DAPK2: variants seen among roughly 807,000 people sequenced by gnomAD.
The protein encoded by DAPK2 is death-associated protein kinase 2.
A neutral mutation model predicts 44.1 loss-of-function variants in DAPK2; 35 were observed. The ratio of observed to expected loss-of-function variants is 0.79; its 90% CI spans 0.61 to 1.05. DAPK2 has a LOEUF of 1.05. Ranked by LOEUF, DAPK2 falls within the 50% of genes least tolerant of loss-of-function variation. DAPK2 has a pLI of 0.00. For missense variants in DAPK2, 453 were observed against 483.2 expected (o/e 0.94, Z 0.59); for synonymous variants, 174 against 182.6 (o/e 0.95, Z 0.38).
chr15:64,002,309 T>A (rs2079104463), intron 1 of DAPK2, among the ~76,000 whole-genome samples: 1 of 152,374 alleles, frequency 6.6e-6, no homozygotes, highest in Non-Finnish European at 1.5e-5. Context: ...TTCCTTTTTT[T>A]ATGTAAGTCT....
intron 1 of DAPK2, among the ~76,000 whole-genome samples, chr15:64,033,890 G>A (rs2080100707): frequency 6.6e-6 from 1 of 151,558 alleles, no homozygotes; most frequent in Non-Finnish European, 1.5e-5. Context: ...ACTCCAGCCT[G>A]GGCGACAGAG....
chr15:63,911,771 G>C, intron 10 of DAPK2, 137 bp downstream of exon 11: 2 of 845,488 alleles, frequency 2.4e-6, no homozygotes, highest in Non-Finnish European at 1.9e-6. Context: ...CTTCAGGGAA[G>C]AGGAGGACTG....
intron 2 of DAPK2, among the ~76,000 whole-genome samples, chr15:63,976,275 G>A (rs1176790000): frequency 2.0e-5 from 3 of 152,228 alleles, no homozygotes; most frequent in Non-Finnish European, 4.4e-5. Flanking sequence ...TGTGGCTAGT[G>A]TAATAGAGGA....
chr15:63,998,841 A>G (rs74021219), intron 1 of DAPK2, among the ~76,000 whole-genome samples: 6,185 of 152,316 alleles, frequency 0.041, 428 homozygotes, highest in African/African-American at 0.14. Context: ...ATGAGGATTA[A>G]ATGAATAATG....
chr15:63,925,834 G>A, intron 7 of DAPK2, 107 bp downstream of exon 8: 1 of 1,422,128 alleles, frequency 7.0e-7, no homozygotes, highest in Non-Finnish European at 9.8e-7. Context: ...GACCACAACA[G>A]TGCAGATGAC....
chr15:63,978,351 C>A (rs1417917549), intron 2 of DAPK2, among the ~76,000 whole-genome samples: 1 of 152,216 alleles, frequency 6.6e-6, no homozygotes, highest in African/African-American at 2.4e-5. Context: ...GCAATTCCTA[C>A]TTTAAATAAA....
intron 1 of DAPK2, among the ~76,000 whole-genome samples, chr15:64,022,796 G>C (rs1046098555): frequency 6.6e-6 from 1 of 152,174 alleles, no homozygotes; most frequent in Non-Finnish European, 1.5e-5. Context: ...TCCAGCCTGG[G>C]TGACAGAGTG....
At chr15:63,945,412 GC>G (rs1020532693) in intron 3 of DAPK2, among the ~76,000 whole-genome samples, 1 of 152,160 alleles carries the variant, frequency 6.6e-6, no homozygotes, top group African/African-American at 2.4e-5. Flanking sequence ...AGAATCCAGG[GC>G]CAGAGGCTCC....
At chr15:63,989,053 G>A (rs574800163) in intron 1 of DAPK2, among the ~76,000 whole-genome samples, 1 of 151,612 alleles carries the variant, frequency 6.6e-6, no homozygotes, top group Admixed American at 6.6e-5. Context: ...GGTGGTGCAA[G>A]CCTGTAATCC....
chr15:63,984,483 G>A (rs2078617014), intron 1 of DAPK2, among the ~76,000 whole-genome samples: 1 of 152,176 alleles, frequency 6.6e-6, no homozygotes, highest in Non-Finnish European at 1.5e-5. Flanking sequence ...AGAGTGGCAG[G>A]CAGCCCTGAG....
At chr15:64,007,773 G>A (rs28371372) in intron 1 of DAPK2, among the ~76,000 whole-genome samples, 30,602 of 152,112 alleles carry the variant, frequency 0.2, 3,179 homozygotes, top group South Asian at 0.24. Context: ...CAGTCCAAAT[G>A]TTCATCATCT....
intron 5 of DAPK2, chr15:63,929,875 G>A: frequency 1.8e-6 from 1 of 560,536 alleles, no homozygotes; most frequent in South Asian, 1.6e-5. Context: ...TTCCCCCCTT[G>A]TAAAATGAGG....
intron 1 of DAPK2, among the ~76,000 whole-genome samples, chr15:64,007,639 AGTTT>A (rs1436153710): frequency 1.3e-5 from 2 of 152,204 alleles, no homozygotes; most frequent in Admixed American, 1.3e-4. Flanking sequence ...TGATGCCTGC[AGTTT>A]GTTTAACTAT....
At chr15:64,039,979 T>G (rs762876407) in intron 1 of DAPK2, among the ~76,000 whole-genome samples, 191 bp downstream of exon 2, 5 of 152,248 alleles carry the variant, frequency 3.3e-5, no homozygotes, top group Admixed American at 6.5e-5. Flanking sequence ...TCCCTTTTAC[T>G]GGCAAGTCAT....
At position 64,016,169 on chromosome 15, in the gene DAPK2, G is replaced by GGCA. The variant is rs2079520389; in HGVS notation, c.92+24000_92+24001insTGC. Among the ~76,000 whole-genome samples, 3 of 152,276 alleles carry GGCA rather than the reference G, an allele frequency of 2.0e-5. No homozygotes were observed. In the South Asian group the frequency reaches 6.2e-4, roughly 32 times the overall value. On this transcript the variant is annotated intron_variant, in intron 1 of 10. Transcript: ENST00000261891. ...GTCCTCCTCTCTCTCAGGTACTGCC[G>GGCA]CCACCAGCAGGACACACGGCCTCTT...
At chr15:64,040,141 A>T in intron 1 of DAPK2, 29 bp downstream of exon 2, 4 of 1,582,146 alleles carry the variant, frequency 2.5e-6, no homozygotes, top group Non-Finnish European at 3.5e-6. Context: ...CTCCCTCGGC[A>T]TCCCCCCACC....
intron 1 of DAPK2, among the ~76,000 whole-genome samples, chr15:63,989,127 C>A (rs188462482): frequency 2.0e-5 from 3 of 149,592 alleles, no homozygotes; most frequent in East Asian, 2.0e-4. Flanking sequence ...TACCAGTGAG[C>A]CGAGATCATG....
chr15:64,007,285 A>G (rs2079259568), intron 1 of DAPK2, among the ~76,000 whole-genome samples: 1 of 151,452 alleles, frequency 6.6e-6, no homozygotes, highest in South Asian at 2.1e-4. Flanking sequence ...ATTCCCTTTC[A>G]CACAACCCTT....
chr15:63,973,343 C>A (rs1051153756), intron 2 of DAPK2, among the ~76,000 whole-genome samples: 1 of 152,244 alleles, frequency 6.6e-6, no homozygotes, highest in Admixed American at 6.5e-5. Context: ...GCCTTATGGG[C>A]AGGGTTGCTC....
Sources: gnomAD v4.1 joint callset for allele counts (sites outside exome capture counted in the v4.1 genomes callset) on GRCh38, gnomAD v4.1.1 for gene constraint, MANE v1.5 for transcripts, NCBI Gene and HGNC (gene_info 2026-07-23, HGNC 2026-07-21) for gene names.